UBR4: variants seen among roughly 807,000 people sequenced by gnomAD.
UBR4 encodes the protein E3 ubiquitin-protein ligase UBR4.
In UBR4, 124 loss-of-function variants were observed where a neutral mutation model predicts 575.6. The observed-to-expected ratio is 0.22, with a 90% confidence interval of 0.19 to 0.25. The LOEUF is 0.25. UBR4 is among the 10% of genes least tolerant of loss of function. The pLI, the probability that UBR4 is intolerant of heterozygous loss-of-function variation, is 1.00. For missense variants in UBR4, 4,818 were observed against 6,478.8 expected (o/e 0.74, Z 8.80); for synonymous variants, 2,455 against 2,473.7 (o/e 0.99, Z 0.22).
rs910811903 is a variant in UBR4 at position 19,152,787 on chromosome 1, T to C, written c.6833-311A>G. ...GAGCTACTTCTTTAATGAATGTAAA[T>C]GAATAAACCATTCTTTCAAAATAGA... On this transcript the variant is annotated intron_variant, in intron 46 of 105. Transcript: ENST00000375254. This position sits in a 1 kb window ranked among gnomAD's most constrained non-coding sequence, Gnocchi z 4.4. Among the ~76,000 whole-genome samples, 2 of 152,240 alleles carry C rather than the reference T, an allele frequency of 1.3e-5. No individual in the cohort carries two copies. Among genetic ancestry groups the C allele is most frequent in the Non-Finnish European group, 2.9e-5 (2 of 68,036 alleles).
intron 1 of UBR4, among the ~76,000 whole-genome samples, chr1:19,204,996 T>C (rs2092935949): frequency 6.6e-6 from 1 of 151,512 alleles, no homozygotes; most frequent in African/African-American, 2.4e-5. Context: ...AATGAAGAAA[T>C]GGAAGCAAAT....
rs372806056 is a variant in UBR4, at chr1:19,093,309, A to C, written c.14111+4T>G. ...AGCAGCCCCGCTGCGGGAGGGCTTC[A>C]TACTTCTTGGCGCTAGGGATGTGCT... On this transcript the variant is annotated splice_donor_region_variant and intron_variant, in intron 96 of 105. Transcript: ENST00000375254. This position sits in a 1 kb window ranked among gnomAD's most constrained non-coding sequence, Gnocchi z 4.8. 8.7e-6 allele frequency: 14 copies of C among 1,612,932 alleles called. No homozygotes were observed. In the African/African-American group the frequency reaches 1.6e-4, roughly 18 times the overall value.
intron 53 of UBR4, among the ~76,000 whole-genome samples, chr1:19,145,119 A>G (rs2084662003): frequency 6.6e-6 from 1 of 152,242 alleles, no homozygotes; most frequent in African/African-American, 2.4e-5. Flanking sequence ...ATTGTCCTCA[A>G]AAGTCTTTCC....
chr1:19,087,649 C>T (rs1055685583), intron 99 of UBR4, among the ~76,000 whole-genome samples, 167 bp downstream of exon 99: 1 of 152,198 alleles, frequency 6.6e-6, no homozygotes, highest in African/African-American at 2.4e-5. Flanking sequence ...CGGATGAGCT[C>T]GCCTTCCTGC....
rs2085551145 is a variant in UBR4 at position 19,150,671 on chromosome 1, T to C, written c.7336A>G (p.Ser2446Gly). ...TTCAGATTTGAAGGGCAGATGTTGC[T>C]GACAGAGGCAGAAGGGAATTCTTCT... ...PPEEFPSASVSNICPSNLNQS... is the reference protein window; with the variant it reads ...PPEEFPSASVGNICPSNLNQS... Residue 2446 changes from serine to glycine, a missense_variant, in exon 49 of 106, where the codon AGC (serine) becomes GGC (glycine). By Grantham distance (56) the Ser-to-Gly change is moderately conservative (BLOSUM62 0). This residue lies in a region of UBR4 where 340 missense variants were observed against 375.4 expected (regional missense o/e 0.91). Transcript: ENST00000375254. 3 of 1,614,128 alleles carry C rather than the reference T, an allele frequency of 1.9e-6. No individual in the cohort carries two copies. Among genetic ancestry groups the C allele is most frequent in the East Asian group, 4.5e-5 (2 of 44,870 alleles).
intron 39 of UBR4, among the ~76,000 whole-genome samples, 189 bp downstream of exon 39, chr1:19,159,922 C>T (rs544435108): frequency 1.3e-5 from 2 of 149,568 alleles, no homozygotes; most frequent in Non-Finnish European, 2.9e-5. Flanking sequence ...GAAGCCAAAC[C>T]TCGTATGCTG....
intron 52 of UBR4, 35 bp from the exon 53 acceptor site, chr1:19,145,968 A>T: frequency 6.2e-7 from 1 of 1,612,636 alleles, no homozygotes; most frequent in Non-Finnish European, 8.5e-7. Context: ...AACGATGGTA[A>T]ATCTGAGATG....
At chr1:19,124,455 T>G in intron 65 of UBR4, 86 bp downstream of exon 65, 1 of 1,539,820 alleles carries the variant, frequency 6.5e-7, no homozygotes, top group Non-Finnish European at 8.8e-7. Flanking sequence ...AAATACCAAG[T>G]AAGGATGAGG....
chr1:19,141,389 C>G lies in UBR4; in HGVS notation c.8446G>C (p.Val2816Leu). 6.2e-7 allele frequency: 1 copy of G among 1,614,238 alleles called. No individual in the cohort carries two copies. The highest frequency in any genetic ancestry group is 8.5e-7 in the Non-Finnish European group (1 of 1,180,040). Reference sequence around the variant, plus strand: ...AGGCTCAGGGCAATGGCTAGTTCAACCATGGTCTCGTCATCTGCATCAGGT... The same window carrying G: ...AGGCTCAGGGCAATGGCTAGTTCAAGCATGGTCTCGTCATCTGCATCAGGT... ...IPPDADDETM[V>L]ELAIALSLQQ... The change falls in exon 57 of 106, where the codon GTT becomes CTT. Residue 2816 changes from valine to leucine, a missense_variant. Val to Leu is a conservative substitution (Grantham distance 32, BLOSUM62 1). Around this residue, in one of 29 missense-constraint regions of UBR4, gnomAD observed 129 missense variants for 198.4 expected, o/e 0.65. Transcript: ENST00000375254.
chr1:19,095,434 A>C (rs1570394143), intron 93 of UBR4, 111 bp downstream of exon 93: 1 of 1,037,112 alleles, frequency 9.6e-7, no homozygotes, highest in East Asian at 2.4e-5. Flanking sequence ...CAGAGAGATG[A>C]AGGGCTTGAA....
In UBR4 at chr1:19,169,475, T is replaced by C. The variant is rs774978443; in HGVS notation, c.3701A>G (p.Asn1234Ser). Reference sequence around the variant, plus strand: ...GGGAAATTCATTGGTATTGATGTTGTTCCAGGACTCACACACAGTCTGCAC... The same window carrying C: ...GGGAAATTCATTGGTATTGATGTTGCTCCAGGACTCACACACAGTCTGCAC... ...SSVQTVCESWNNINTNEFPNI... is the reference protein window; with the variant it reads ...SSVQTVCESWSNINTNEFPNI... Residue 1234 changes from asparagine to serine, a missense_variant, in exon 27 of 106, where the codon AAC (asparagine) becomes AGC (serine). Physicochemically the swap from Asn to Ser is conservative, Grantham distance 46. Around this residue, in one of 29 missense-constraint regions of UBR4, gnomAD observed 1,172 missense variants for 1,259.7 expected, o/e 0.93. Coordinates refer to ENST00000375254, the MANE Select transcript of UBR4 (RefSeq NM_020765.3). 66 of 1,613,868 alleles carry C rather than the reference T, an allele frequency of 4.1e-5. No homozygotes were observed. Among genetic ancestry groups the C allele is most frequent in the Non-Finnish European group, 3.4e-6 (4 of 1,179,976 alleles).
rs1239197452 is a variant in UBR4, at chr1:19,088,867, G to T, written c.14322C>A (p.His4774Gln). 1 of 1,614,184 alleles carries T rather than the reference G, an allele frequency of 6.2e-7. No homozygotes were observed. The highest frequency in any genetic ancestry group is 8.5e-7 in the Non-Finnish European group (1 of 1,180,030). The change falls in exon 98 of 106, where the codon CAC becomes CAA. Residue 4774 changes from histidine to glutamine, a missense_variant. His to Gln is a conservative substitution (Grantham distance 24). Around this residue, in one of 29 missense-constraint regions of UBR4, gnomAD observed 196 missense variants for 386.8 expected, o/e 0.51. Transcript: ENST00000375254. The surrounding 1 kb of genome is among the most constrained non-coding windows in gnomAD (Gnocchi z 4.0). ...CGTCAATCTTCTTGTTTACGTCAGGGTGTTCCCGCAGGGCTTCCAGCAGGT... is the reference window on the plus strand; with the variant it reads ...CGTCAATCTTCTTGTTTACGTCAGGTTGTTCCCGCAGGGCTTCCAGCAGGT... ...AENLLEALRE[H>Q]PDVNKKIDAA...
chr1:19,108,296 T>C (rs1458618954), intron 81 of UBR4, among the ~76,000 whole-genome samples: 1 of 152,238 alleles, frequency 6.6e-6, no homozygotes, highest in African/African-American at 2.4e-5. Flanking sequence ...TACACAGTTA[T>C]GTCAGTTCTT....
intron 14 of UBR4, 137 bp from the exon 15 acceptor site, chr1:19,185,423 G>T: frequency 2.4e-6 from 2 of 842,114 alleles, no homozygotes; most frequent in Non-Finnish European, 3.5e-6. Context: ...GATTGCATTT[G>T]TGTATCAAAA....
chr1:19,176,772 C>A, intron 19 of UBR4, 45 bp from the exon 20 acceptor site: 1 of 1,600,194 alleles, frequency 6.2e-7, no homozygotes, highest in South Asian at 1.1e-5. Context: ...ACACAGTCAC[C>A]ATTCAGCTTT....
chr1:19,099,546 A>G (rs756529742), intron 90 of UBR4, 51 bp downstream of exon 90: 7 of 1,539,598 alleles, frequency 4.5e-6, no homozygotes, highest in East Asian at 2.2e-5. Flanking sequence ...ACAAGTCTGC[A>G]TAAGTCAGAA....
intron 75 of UBR4, among the ~76,000 whole-genome samples, chr1:19,114,512 A>G (rs1384559128): frequency 6.6e-6 from 1 of 152,226 alleles, no homozygotes; most frequent in African/African-American, 2.4e-5. Flanking sequence ...AGCAGCCTCA[A>G]TATGAAGCAG....
rs115169278 is a variant in UBR4, at chr1:19,158,232, T to A, written c.5578-235A>T. ...ACTTAAATACAAAGTACTGGTCTTT[T>A]AAAAAAATGTTAAAATGTCCAATCT... is the stretch of plus-strand genomic sequence containing the variant. On this transcript the variant is annotated intron_variant, in intron 39 of 105. Coordinates refer to ENST00000375254, the MANE Select transcript of UBR4 (RefSeq NM_020765.3). Among the ~76,000 whole-genome samples the A allele has an allele frequency of 0.02, 2,990 of 152,254 alleles. 40 individuals are homozygous for A. Among genetic ancestry groups the A allele is most frequent in the South Asian group, 0.055 (267 of 4,820 alleles).
intron 102 of UBR4, 36 bp downstream of exon 102, chr1:19,084,468 C>G: frequency 6.4e-7 from 1 of 1,572,484 alleles, no homozygotes; most frequent in Non-Finnish European, 8.7e-7. Flanking sequence ...CAGGGTGGGT[C>G]TGCGAGATGC....
Sources: gnomAD v4.1 joint callset for allele counts (sites outside exome capture counted in the v4.1 genomes callset) on GRCh38, gnomAD v4.1.1 for gene constraint, gnomAD v4.1.1 regional missense constraint, Gnocchi (gnomAD v3.1) non-coding constraint, MANE v1.5 for transcripts, NCBI Gene and HGNC (gene_info 2026-07-23, HGNC 2026-07-21) for gene names.